DENND1C: variants seen among roughly 807,000 people sequenced by gnomAD.
DENND1C encodes the protein DENN domain containing 1C.
A neutral mutation model predicts 87.9 loss-of-function variants in DENND1C; 64 were observed. The ratio of observed to expected loss-of-function variants is 0.73; its 90% CI spans 0.60 to 0.90. The LOEUF (loss-of-function observed/expected upper bound fraction) is 0.90, where lower values mean the gene tolerates loss of function less well. Among genes scored for constraint, DENND1C ranks in the 40% least tolerant of loss-of-function variants. The pLI, the probability that DENND1C is intolerant of heterozygous loss-of-function variation, is 0.00. For missense variants in DENND1C, 980 were observed against 1,037.0 expected (o/e 0.95, Z 0.76); for synonymous variants, 384 against 424.4 (o/e 0.90, Z 1.17).
In DENND1C at chr19:6,478,781, A is replaced by ACC. The variant is rs1568401085; in HGVS notation, c.366+1_366+2insGG. Reference sequence around the variant, plus strand: ...CAGGAGTGAGAGAGGGGCTGGTCTCACTTGGTCCTGGGCTAGGAGGTCTCC... The same window carrying ACC: ...CAGGAGTGAGAGAGGGGCTGGTCTCACCCTTGGTCCTGGGCTAGGAGGTCTCC... On this transcript the variant is annotated splice_donor_variant, in intron 6 of 22. Transcript: ENST00000381480. LOFTEE classifies it high-confidence loss of function. The ACC allele has an allele frequency of 6.2e-7, 1 of 1,611,274 alleles. No individual in the cohort carries two copies. The highest frequency in any genetic ancestry group is 1.3e-5 in the African/African-American group (1 of 74,842).
chr19:6,479,927 G>A lies in DENND1C; in HGVS notation c.83-25C>T, dbSNP rs751098441. On this transcript the variant is annotated intron_variant, in intron 2 of 22. Transcript: ENST00000381480. ...TCTGTAGAAGAGAGCACGCCTCTAAGTTCAGCGACCCAGGCCCACCCTCCC... is the reference window on the plus strand; with the variant it reads ...TCTGTAGAAGAGAGCACGCCTCTAAATTCAGCGACCCAGGCCCACCCTCCC... 10 of 1,596,686 alleles carry A rather than the reference G, an allele frequency of 6.3e-6. No homozygotes were observed. The South Asian group carries it at 1.1e-4, about 18-fold the overall frequency.
intron 10 of DENND1C, 49 bp from the exon 11 acceptor site, chr19:6,475,986 C>G (rs1304968219): frequency 2.0e-6 from 3 of 1,471,512 alleles, no homozygotes; most frequent in Non-Finnish European, 2.7e-6. Flanking sequence ...CCCTCTAGCG[C>G]GAGGTCTCTT....
In DENND1C at chr19:6,475,642, A is replaced by G; in HGVS notation, c.826-57T>C. 4 of 1,613,318 alleles carry G rather than the reference A, an allele frequency of 2.5e-6. No homozygotes were observed. In the Middle Eastern group the frequency reaches 5.0e-4, roughly 200 times the overall value. On this transcript the variant is annotated intron_variant, in intron 12 of 22. Coordinates refer to ENST00000381480, the MANE Select transcript of DENND1C (RefSeq NM_024898.4). ...CCGGGAGTCCTTGGCAGAGGAGGGC[A>G]TCTGGGGATGTAGAGGAAGGGGGAA... is the stretch of plus-strand genomic sequence containing the variant.
intron 17 of DENND1C, 48 bp from the exon 18 acceptor site, chr19:6,470,414 C>T: frequency 6.4e-7 from 1 of 1,570,142 alleles, no homozygotes; most frequent in Non-Finnish European, 8.7e-7. Flanking sequence ...CCAGATCCCA[C>T]CTCCCCATCC....
At position 6,469,631 on chromosome 19, in the gene DENND1C, C is replaced by T; in HGVS notation, c.1372G>A (p.Gly458Ser). Residue 458 changes from glycine (G) to serine (S), a missense_variant, in exon 19 of 23, where the codon GGC becomes AGC. By Grantham distance (56) the Gly-to-Ser change is moderately conservative. Transcript: ENST00000381480. ...VKNMYRSAKSGLKGVQSLLMY... is the reference protein window; with the variant it reads ...VKNMYRSAKSSLKGVQSLLMY... ...AGAAGGCTCTGCACCCCCTTCAAGC[C>T]ACTCTTGGCCTATAAAGGAGTGGAC... 1 of 1,606,708 alleles carries T rather than the reference C, an allele frequency of 6.2e-7. No homozygotes were observed.
rs1293172592 is a variant in DENND1C at position 6,477,212 on chromosome 19, G to C, written c.513+6C>G. 3.2e-6 allele frequency: 5 copies of C among 1,587,206 alleles called. No individual in the cohort carries two copies. The highest frequency in any genetic ancestry group is 4.3e-6 in the Non-Finnish European group (5 of 1,167,102). Reference sequence around the variant, plus strand: ...CGACCTTCCAGGGTCCCCGAGCCCCGCTCACCGGCTTGCTATTCCCCCGGG... The same window carrying C: ...CGACCTTCCAGGGTCCCCGAGCCCCCCTCACCGGCTTGCTATTCCCCCGGG... On this transcript the variant is annotated splice_donor_region_variant and intron_variant, in intron 8 of 22. Transcript: ENST00000381480.
In DENND1C at chr19:6,467,409, G is replaced by A; in HGVS notation, c.*95C>T. 10 of 1,417,092 alleles carry A rather than the reference G, an allele frequency of 7.1e-6. No homozygotes were observed. Among genetic ancestry groups the A allele is most frequent in the Non-Finnish European group, 6.5e-6 (7 of 1,079,046 alleles). The allele number at this position is 1,417,092 out of a possible 1,614,324, so 87.8% of individuals were successfully genotyped here. On this transcript the variant is annotated 3_prime_UTR_variant, in exon 23 of 23. Transcript: ENST00000381480. ...GGTGGGATGGATTTCCGAGCAGAGT[G>A]AGGGCACCAGAGAAATTCACCAGGA...
intron 18 of DENND1C, 164 bp from the exon 19 acceptor site, chr19:6,469,804 C>T (rs2145177259): frequency 3.0e-6 from 2 of 672,570 alleles, no homozygotes; most frequent in South Asian, 3.6e-5. Flanking sequence ...CAAACTTTCA[C>T]CCCTTTGACT....
chr19:6,467,235 G>T lies in DENND1C; in HGVS notation c.*269C>A. The T allele has an allele frequency of 1.9e-6, 1 of 528,714 alleles. No individual in the cohort carries two copies. Among genetic ancestry groups the T allele is most frequent in the Non-Finnish European group, 3.2e-6 (1 of 312,286 alleles). 32.8% of individuals were successfully genotyped at this position (528,714 alleles called of 1,614,324 possible). A position where few individuals can be genotyped will look rare whatever the true frequency, so the allele number is the denominator to read the frequency against. On this transcript the variant is annotated 3_prime_UTR_variant, in exon 23 of 23. Transcript: ENST00000381480. ...GATGTAACAAAAGCTTTATTGGTGT[G>T]TTTGAGCTGGTGGGTGCATTAGCTG...
chr19:6,479,319 CAGTCCCTG>C (rs200206951), intron 4 of DENND1C, among the ~76,000 whole-genome samples: 6,985 of 142,780 alleles, frequency 0.049, 720 homozygotes, highest in African/African-American at 0.19. Flanking sequence ...CTGGGTTCCT[CAGTCCCTG>C]AGTCCCTGAG....
rs200127881 is a variant in DENND1C at position 6,475,265 on chromosome 19, G to T, written c.1053+9C>A. The T allele has an allele frequency of 4.0e-5, 64 of 1,612,868 alleles. No individual in the cohort carries two copies. The African/African-American group carries it at 8.0e-4, about 20-fold the overall frequency. On this transcript the variant is annotated intron_variant, in intron 14 of 22. Transcript: ENST00000381480. ...ACGAGACCTCTCCCGCAGCGTCCCC[G>T]CTGCTCACCGGGCTGCAGACGAGTG...
rs1229381070 is a variant in DENND1C at position 6,468,384 on chromosome 19, G to C, written c.1641C>G (p.Asp547Glu). The change falls in exon 22 of 23, where the codon GAC becomes GAG. Residue 547 changes from aspartate (D) to glutamate (E), a missense_variant. Physicochemically the swap from Asp to Glu is conservative, Grantham distance 45. Transcript: ENST00000381480. ...EGCPWAEEAL[D>E]SSFLGSGEEL... is the part of the protein sequence containing the mutation. ...CTTCTCCAGACCCCAAGAAGCTGCT[G>C]TCCAGAGCTTCTTCTGCCCACGGGC... 1 of 1,613,930 alleles carries C rather than the reference G, an allele frequency of 6.2e-7. No homozygotes were observed. Among genetic ancestry groups the C allele is most frequent in the Non-Finnish European group, 8.5e-7 (1 of 1,179,870 alleles).
chr19:6,475,808 C>T (rs1311732317), intron 11 of DENND1C, 29 bp downstream of exon 11: 2 of 1,521,528 alleles, frequency 1.3e-6, no homozygotes, highest in Admixed American at 4.5e-5. Flanking sequence ...TGCCCACAGG[C>T]CCTGCCCCTC....
chr19:6,479,216 A>C, intron 4 of DENND1C, 160 bp from the exon 5 acceptor site: 1 of 1,061,900 alleles, frequency 9.4e-7, no homozygotes, highest in Non-Finnish European at 1.3e-6. Flanking sequence ...TGGGTCCCTG[A>C]ATCTCTGGGT....
intron 17 of DENND1C, among the ~76,000 whole-genome samples, chr19:6,470,877 C>T (rs2092825242): frequency 6.6e-6 from 1 of 152,166 alleles, no homozygotes; most frequent in East Asian, 1.9e-4. Context: ...GCCTCAGCCT[C>T]AAACTCCTGA....
At chr19:6,478,066 C>G (rs929120619) in intron 6 of DENND1C, among the ~76,000 whole-genome samples, 11 of 151,834 alleles carry the variant, frequency 7.2e-5, no homozygotes, top group Non-Finnish European at 1.5e-4. Context: ...CAGAGGAAGA[C>G]TCCATCTAAA....
At position 6,467,738 on chromosome 19, in the gene DENND1C, G is replaced by C; in HGVS notation, c.2172C>G (p.Pro724=). Residue 724 remains proline (P), a synonymous_variant, in exon 23 of 23, where the codon CCC becomes CCG. Coordinates refer to ENST00000381480, the MANE Select transcript of DENND1C (RefSeq NM_024898.4). ...GGGACGTCCAGGCTATATCAAAGTT[G>C]GGCTTTGTGGGGGCCAGAATTTGGG... ...ESPQILAPTK[P]NFDIAWTSQP... 1 of 1,520,850 alleles carries C rather than the reference G, an allele frequency of 6.6e-7. No homozygotes were observed. The highest frequency in any genetic ancestry group is 8.8e-7 in the Non-Finnish European group (1 of 1,137,166). 94.2% of individuals were successfully genotyped at this position (1,520,850 alleles called of 1,614,324 possible). A position where few individuals can be genotyped will look rare whatever the true frequency, so the allele number is the denominator to read the frequency against.
Position 6,469,644 on chromosome 19 carries a change from TA to T in DENND1C, c.1363-5del. ...CCCCCTTCAAGCCACTCTTGGCCTATAAAGGAGTGGACAGAGAATTACCCAA... is the reference window on the plus strand; with the variant it reads ...CCCCCTTCAAGCCACTCTTGGCCTATAAGGAGTGGACAGAGAATTACCCAA... On this transcript the variant is annotated splice_region_variant and splice_polypyrimidine_tract_variant and intron_variant, in intron 18 of 22. Transcript: ENST00000381480. 6.2e-7 allele frequency: 1 copy of T among 1,605,390 alleles called. No individual in the cohort carries two copies. Among genetic ancestry groups the T allele is most frequent in the South Asian group, 1.1e-5 (1 of 89,120 alleles).
intron 10 of DENND1C, 182 bp downstream of exon 10, chr19:6,476,675 A>C (rs11665713): frequency 0.56 from 343,933 of 616,700 alleles, 99,476 homozygotes; most frequent in Non-Finnish European, 0.62. Context: ...GCTGCAGCGC[A>C]GCCCCCTCCC....
Sources: allele counts gnomAD v4.1 joint callset (sites outside exome capture counted in the v4.1 genomes callset), GRCh38; gene constraint gnomAD v4.1.1; transcripts MANE v1.5; gene names NCBI Gene and HGNC (gene_info 2026-07-23, HGNC 2026-07-21).